Variants in CRACDL observed in about 807,000 individuals in gnomAD.
CRACDL encodes CRACD like, also known as CRACD-like protein.
CRACDL carries 26 observed loss-of-function variants against 70.6 expected under a neutral mutation model. That is an observed-to-expected ratio of 0.37 (90% confidence interval 0.27 to 0.51). CRACDL has a LOEUF of 0.51. CRACDL is among the 20% of genes least tolerant of loss of function. CRACDL has a pLI of 0.94. For missense variants in CRACDL, 1,283 were observed against 1,376.9 expected, an observed-to-expected ratio of 0.93 and a Z score of 1.08; for synonymous variants, 618 against 615.2, an observed-to-expected ratio of 1.00 and a Z score of -0.07.
At chr2:98,803,221 C>T (rs1001919211) in intron 7 of CRACDL, among the ~76,000 whole-genome samples, 6 of 152,000 alleles carry the variant, frequency 3.9e-5, no homozygotes, top group African/African-American at 1.2e-4. Context: ...AGGATGGTCT[C>T]GATCTCTTGA....
intron 7 of CRACDL, among the ~76,000 whole-genome samples, chr2:98,819,969 G>A (rs192096871): frequency 0.013 from 1,979 of 151,494 alleles, 22 homozygotes; most frequent in Non-Finnish European, 0.02. Context: ...AGAGGTGCGC[G>A]CCACCATGCC....
chr2:98,846,882 G>A lies in CRACDL; in HGVS notation c.-10-72C>T, dbSNP rs1169390585. 9 of 1,263,832 alleles carry A rather than the reference G, an allele frequency of 7.1e-6. 1 individual carries two copies. The highest frequency in any genetic ancestry group is 3.7e-4 in the Middle Eastern group (2 of 5,432). The allele number at this position is 1,263,832 out of a possible 1,614,324, so 78.3% of individuals were successfully genotyped here. A position where few individuals can be genotyped will look rare whatever the true frequency, so the allele number is the denominator to read the frequency against. On this transcript the variant is annotated intron_variant, in intron 1 of 9. Coordinates refer to ENST00000397899, the MANE Select transcript of CRACDL (RefSeq NM_207362.3). ...GTTACCAATGAGTGAAATGGTGTTCGTGACTGCATTTGCCATGATCTGGCC... is the reference window on the plus strand; with the variant it reads ...GTTACCAATGAGTGAAATGGTGTTCATGACTGCATTTGCCATGATCTGGCC...
chr2:98,840,398 T>C (rs4851161), intron 2 of CRACDL, among the ~76,000 whole-genome samples: 5,606 of 152,278 alleles, frequency 0.037, 137 homozygotes, highest in Middle Eastern at 0.065. Flanking sequence ...AATCTGTTGA[T>C]ACTTGCTTTA....
intron 1 of CRACDL, among the ~76,000 whole-genome samples, chr2:98,915,354 T>C (rs1708639772): frequency 6.6e-6 from 1 of 152,152 alleles, no homozygotes; most frequent in Admixed American, 6.5e-5. Context: ...CAGTTTCTTT[T>C]CTGAGTGTGT....
intron 1 of CRACDL, among the ~76,000 whole-genome samples, chr2:98,908,102 T>C (rs949215524): frequency 1.3e-5 from 2 of 152,238 alleles, no homozygotes; most frequent in East Asian, 1.9e-4. Flanking sequence ...TCTCACCTCA[T>C]GGTTTTTCTG....
At chr2:98,933,711 C>T (rs1367511431) in intron 1 of CRACDL, among the ~76,000 whole-genome samples, 1 of 152,170 alleles carries the variant, frequency 6.6e-6, no homozygotes, top group Non-Finnish European at 1.5e-5. Flanking sequence ...CCAGGCCCAC[C>T]AGGACATCAC....
chr2:98,853,510 T>C (rs1377739562), intron 1 of CRACDL, among the ~76,000 whole-genome samples: 4 of 152,194 alleles, frequency 2.6e-5, no homozygotes, highest in Non-Finnish European at 4.4e-5. Flanking sequence ...AGATATGTAC[T>C]ACAGGAAATG....
intron 1 of CRACDL, among the ~76,000 whole-genome samples, chr2:98,891,720 T>C (rs1480097372): frequency 6.6e-6 from 1 of 152,178 alleles, no homozygotes; most frequent in Non-Finnish European, 1.5e-5. Context: ...TTTTTTGTCC[T>C]AAAAGTATGT....
chr2:98,834,553 T>TA (rs535486899), intron 3 of CRACDL, among the ~76,000 whole-genome samples: 5 of 152,100 alleles, frequency 3.3e-5, no homozygotes. Flanking sequence ...TCTTATATTT[T>TA]AAAAAAATGA....
intron 7 of CRACDL, among the ~76,000 whole-genome samples, chr2:98,804,435 G>A (rs1315465496): frequency 6.6e-6 from 1 of 152,210 alleles, no homozygotes; most frequent in African/African-American, 2.4e-5. Context: ...TTGCAAACAC[G>A]TGCAGGGCAG....
intron 1 of CRACDL, among the ~76,000 whole-genome samples, chr2:98,874,689 C>A (rs1558617282): frequency 6.6e-6 from 1 of 152,234 alleles, no homozygotes; most frequent in Non-Finnish European, 1.5e-5. Flanking sequence ...GGTGACAGAA[C>A]CAGTGGTTCC....
chr2:98,836,298 G>A (rs1331533593), intron 3 of CRACDL, among the ~76,000 whole-genome samples: 3 of 152,160 alleles, frequency 2.0e-5, no homozygotes, highest in Admixed American at 6.5e-5. Flanking sequence ...AGTGATGGAT[G>A]AGAAGTTGCC....
At chr2:98,861,801 T>G (rs1706948417) in intron 1 of CRACDL, among the ~76,000 whole-genome samples, 1 of 152,138 alleles carries the variant, frequency 6.6e-6, no homozygotes, top group African/African-American at 2.4e-5. Flanking sequence ...CCATTTCTGC[T>G]CTTAGCACAG....
At chr2:98,814,942 T>C (rs989934960) in intron 7 of CRACDL, among the ~76,000 whole-genome samples, 5 of 152,186 alleles carry the variant, frequency 3.3e-5, no homozygotes, top group Admixed American at 1.3e-4. Context: ...TGTTCCATTT[T>C]ATCACTAATA....
At chr2:98,868,730 A>G (rs1707236753) in intron 1 of CRACDL, among the ~76,000 whole-genome samples, 1 of 152,202 alleles carries the variant, frequency 6.6e-6, no homozygotes, top group Admixed American at 6.5e-5. Flanking sequence ...AAGCATATCA[A>G]CTATGCCATG....
intron 1 of CRACDL, among the ~76,000 whole-genome samples, chr2:98,860,250 T>A (rs1477305122): frequency 6.6e-6 from 1 of 152,202 alleles, no homozygotes; most frequent in Non-Finnish European, 1.5e-5. Context: ...CAATGCAACC[T>A]TTATCAAAAT....
At chr2:98,930,573 T>C (rs1056719723) in intron 1 of CRACDL, among the ~76,000 whole-genome samples, 3 of 147,084 alleles carry the variant, frequency 2.0e-5, no homozygotes, top group African/African-American at 7.6e-5. Context: ...CTATCCTACC[T>C]ATATCACCTA....
At chr2:98,830,819 T>C (rs542970606) in intron 5 of CRACDL, among the ~76,000 whole-genome samples, 19 of 152,238 alleles carry the variant, frequency 1.2e-4, no homozygotes, top group African/African-American at 3.6e-4. Flanking sequence ...CTTCAATGGA[T>C]GGGTTAGAAA....
At chr2:98,921,905 CATT>C (rs1708812128) in intron 1 of CRACDL, among the ~76,000 whole-genome samples, 1 of 152,180 alleles carries the variant, frequency 6.6e-6, no homozygotes, top group Non-Finnish European at 1.5e-5. Flanking sequence ...CCCAGGGCAA[CATT>C]ATTACTTTCT....
Sources: allele counts gnomAD v4.1 joint callset (sites outside exome capture counted in the v4.1 genomes callset), GRCh38; gene constraint gnomAD v4.1.1; transcripts MANE v1.5; gene names NCBI Gene and HGNC (gene_info 2026-07-23, HGNC 2026-07-21).